ARHGAP19: variants seen among roughly 807,000 people sequenced by gnomAD.
ARHGAP19 encodes Rho GTPase activating protein 19.
A neutral mutation model predicts 60.9 loss-of-function variants in ARHGAP19; 48 were observed. The ratio of observed to expected loss-of-function variants is 0.79; its 90% CI spans 0.62 to 1.00. The LOEUF is 1.00. Ranked by LOEUF, ARHGAP19 falls within the 50% of genes least tolerant of loss-of-function variation. The pLI, the probability that ARHGAP19 is intolerant of heterozygous loss-of-function variation, is 0.00. For missense variants in ARHGAP19, 562 were observed against 597.2 expected, an observed-to-expected ratio of 0.94 and a Z score of 0.61; for synonymous variants, 209 against 215.5, an observed-to-expected ratio of 0.97 and a Z score of 0.27.
intron 6 of ARHGAP19, among the ~76,000 whole-genome samples, chr10:97,249,448 T>C (rs1420030436): frequency 6.6e-6 from 1 of 152,214 alleles, no homozygotes; most frequent in Non-Finnish European, 1.5e-5. Flanking sequence ...ATGCTTAATC[T>C]GAATCTGATT....
chr10:97,239,322 G>C (rs182483117), intron 8 of ARHGAP19, among the ~76,000 whole-genome samples: 1 of 151,954 alleles, frequency 6.6e-6, no homozygotes, highest in Non-Finnish European at 1.5e-5. Context: ...GTGAAACCCC[G>C]TCTCTACTAA....
intron 1 of ARHGAP19, among the ~76,000 whole-genome samples, chr10:97,288,809 CT>C (rs750951743): frequency 0.015 from 1,784 of 119,954 alleles, 12 homozygotes; most frequent in African/African-American, 0.053. Context: ...AACTTCTCTC[CT>C]TTTTTTTTTT....
chr10:97,289,429 A>G (rs1843200802), intron 1 of ARHGAP19, among the ~76,000 whole-genome samples: 2 of 152,094 alleles, frequency 1.3e-5, no homozygotes, highest in Admixed American at 1.3e-4. Context: ...CTCTTTTACA[A>G]TATGGAATTG....
rs1206138037 is a variant in ARHGAP19 at position 97,239,546 on chromosome 10, GAGAGGGTGTGTGTGT to G, written c.1186-4246_1186-4232del. On this transcript the variant is annotated intron_variant, in intron 8 of 11. Transcript: ENST00000358531. Reference sequence around the variant, plus strand: ...AGAAAAAGGGAGTGAGAGAGAGAGAGAGAGGGTGTGTGTGTGTGTGTGTGTGTGTGTGTGTGTGTG... The same window carrying G: ...AGAAAAAGGGAGTGAGAGAGAGAGAGGTGTGTGTGTGTGTGTGTGTGTGTG... 1.7e-4 allele frequency among the ~76,000 whole-genome samples: 18 copies of G among 105,972 alleles called. 1 individual carries two copies. In the East Asian group the frequency reaches 4.0e-3, roughly 23 times the overall value. The allele number at this position is 105,972 out of a possible 152,430, so 69.5% of individuals were successfully genotyped here. A position where few individuals can be genotyped will look rare whatever the true frequency, so the allele number is the denominator to read the frequency against.
intron 4 of ARHGAP19, among the ~76,000 whole-genome samples, chr10:97,260,757 T>C (rs957693682): frequency 2.6e-5 from 4 of 152,002 alleles, no homozygotes; most frequent in African/African-American, 9.7e-5. Context: ...AGTTATCATT[T>C]GACCAAGAAA....
intron 1 of ARHGAP19, among the ~76,000 whole-genome samples, chr10:97,272,822 C>G (rs1324406273): frequency 6.7e-6 from 1 of 149,916 alleles, no homozygotes; most frequent in Non-Finnish European, 1.5e-5. Flanking sequence ...TGTTGAACCT[C>G]TCTATTGATT....
intron 8 of ARHGAP19, among the ~76,000 whole-genome samples, chr10:97,236,832 A>C (rs1422807565): frequency 6.7e-6 from 1 of 149,448 alleles, no homozygotes; most frequent in African/African-American, 2.5e-5. Flanking sequence ...AAAATACACC[A>C]CATATAAAGT....
chr10:97,261,637 T>TA (rs75699352), intron 4 of ARHGAP19, among the ~76,000 whole-genome samples: 245 of 145,766 alleles, frequency 1.7e-3, no homozygotes, highest in Non-Finnish European at 1.9e-3. Flanking sequence ...CTAAAAGAGC[T>TA]AAAAAAAAAA....
chr10:97,229,562 T>C (rs138259678), intron 10 of ARHGAP19, among the ~76,000 whole-genome samples: 56 of 152,034 alleles, frequency 3.7e-4, no homozygotes, highest in Non-Finnish European at 3.8e-4. Context: ...ACTAGTGATA[T>C]CATTCTTGAA....
intron 4 of ARHGAP19, among the ~76,000 whole-genome samples, chr10:97,262,197 AT>A (rs1261131757): frequency 0.041 from 353 of 8,654 alleles, 1 homozygote; most frequent in Middle Eastern, 0.11. Flanking sequence ...AAAAAAAAAA[AT>A]TTTTTTTTTT....
chr10:97,262,822 G>C (rs1277327309), intron 4 of ARHGAP19, among the ~76,000 whole-genome samples: 4 of 151,744 alleles, frequency 2.6e-5, no homozygotes, highest in African/African-American at 7.3e-5. Context: ...CATTTATTAA[G>C]CAACTAAAAC....
At chr10:97,257,761 A>G (rs1427797789) in intron 5 of ARHGAP19, among the ~76,000 whole-genome samples, 3 of 151,996 alleles carry the variant, frequency 2.0e-5, no homozygotes, top group Non-Finnish European at 4.4e-5. Flanking sequence ...CCAGAACTTT[A>G]TTATTTTTTC....
intron 11 of ARHGAP19, among the ~76,000 whole-genome samples, chr10:97,227,327 G>T (rs1029176342): frequency 6.6e-6 from 1 of 152,206 alleles, no homozygotes; most frequent in Non-Finnish European, 1.5e-5. Context: ...AATGTCTGAA[G>T]AGAGTTCAGA....
chr10:97,235,331 G>C lies in ARHGAP19; in HGVS notation c.1186-16C>G. 1 of 1,576,964 alleles carries C rather than the reference G, an allele frequency of 6.3e-7. No individual in the cohort carries two copies. Among genetic ancestry groups the C allele is most frequent in the Non-Finnish European group, 8.7e-7 (1 of 1,147,670 alleles). ...GCTTATTAAACTAAAAGAAAACATG[G>C]AGAACATTTTATAAATACTTTCCCA... is the stretch of plus-strand genomic sequence containing the variant. On this transcript the variant is annotated splice_polypyrimidine_tract_variant and intron_variant, in intron 8 of 11. Coordinates refer to ENST00000358531, the MANE Select transcript of ARHGAP19 (RefSeq NM_032900.6).
intron 8 of ARHGAP19, among the ~76,000 whole-genome samples, chr10:97,236,508 G>C (rs1842380138): frequency 6.6e-6 from 1 of 152,078 alleles, no homozygotes; most frequent in Non-Finnish European, 1.5e-5. Context: ...TTTCCTGATG[G>C]TGGCAAGGGT....
At chr10:97,250,793 C>A (rs973511393) in intron 6 of ARHGAP19, among the ~76,000 whole-genome samples, 6 of 151,186 alleles carry the variant, frequency 4.0e-5, no homozygotes, top group Non-Finnish European at 5.9e-5. Flanking sequence ...AGGCCAAGAG[C>A]GGTGGCTCAT....
chr10:97,273,370 C>G (rs1263383167), intron 1 of ARHGAP19, among the ~76,000 whole-genome samples: 1 of 151,662 alleles, frequency 6.6e-6, no homozygotes, highest in Non-Finnish European at 1.5e-5. Context: ...ATCATGTTAG[C>G]CAGGCTGGTC....
rs112328106 is a variant in ARHGAP19 at position 97,280,218 on chromosome 10, C to T, written c.56+12354G>A. 6.2e-4 allele frequency among the ~76,000 whole-genome samples: 95 copies of T among 152,074 alleles called. 2 individuals are homozygous for T. Among genetic ancestry groups the T allele is most frequent in the Admixed American group, 1.6e-3 (25 of 15,250 alleles). The stretch of plus-strand genomic sequence containing the variant: ...GGTCAGGAGTTCAAGACCACCCTAG[C>T]CAACATAGTGAAACCCCATCTCTAC... On this transcript the variant is annotated intron_variant, in intron 1 of 11. Coordinates refer to ENST00000358531, the MANE Select transcript of ARHGAP19 (RefSeq NM_032900.6).
rs777708645 is a variant in ARHGAP19 at position 97,223,044 on chromosome 10, G to C, written c.*3078C>G. The C allele has an allele frequency of 6.6e-6, 1 of 152,120 alleles. No homozygotes were observed. Among genetic ancestry groups the C allele is most frequent in the Non-Finnish European group, 1.5e-5 (1 of 68,038 alleles). 9.4% of individuals were successfully genotyped at this position (152,120 alleles called of 1,614,324 possible). A position where few individuals can be genotyped will look rare whatever the true frequency, so the allele number is the denominator to read the frequency against. On this transcript the variant is annotated 3_prime_UTR_variant, in exon 12 of 12. Transcript: ENST00000358531. Reference sequence around the variant, plus strand: ...CGTTCCTACTCAGGAGGAGAGAATGGCTCTGTTCTGACACTCTAGGATCGA... The same window carrying C: ...CGTTCCTACTCAGGAGGAGAGAATGCCTCTGTTCTGACACTCTAGGATCGA...
Sources: allele counts gnomAD v4.1 joint callset (sites outside exome capture counted in the v4.1 genomes callset), GRCh38; gene constraint gnomAD v4.1.1; transcripts MANE v1.5; gene names NCBI Gene and HGNC (gene_info 2026-07-23, HGNC 2026-07-21).